The following SPPL3 variants were observed in gnomAD, a reference collection of about 807,000 sequenced individuals.
The protein encoded by SPPL3 is signal peptide peptidase like 3, also known as signal peptide peptidase-like 3.
Under a neutral mutation model 42.4 loss-of-function variants are expected in SPPL3, and 5 were observed. The ratio of observed to expected loss-of-function variants is 0.12; its 90% confidence interval spans 0.06 to 0.25. The LOEUF is 0.25. SPPL3 is among the 10% of genes least tolerant of loss of function. SPPL3 has a pLI of 1.00. For missense variants in SPPL3, 235 were observed against 489.0 expected (o/e 0.48, Z 4.90); for synonymous variants, 195 against 181.8 (o/e 1.07, Z -0.58).
At chr12:120,791,689 C>T (rs934688240) in intron 2 of SPPL3, 132 bp from the exon 3 acceptor site, 1 of 634,376 alleles carries the variant, frequency 1.6e-6, no homozygotes, top group Non-Finnish European at 2.7e-6. Flanking sequence ...TGAAAAATAG[C>T]TCTTGTAACA....
chr12:120,891,802 T>C (rs1873653459), intron 1 of SPPL3, among the ~76,000 whole-genome samples: 1 of 151,078 alleles, frequency 6.6e-6, no homozygotes. Flanking sequence ...ATATGCCACA[T>C]ATTTAATAAA....
intron 1 of SPPL3, among the ~76,000 whole-genome samples, chr12:120,876,679 C>CA (rs1164776154): frequency 6.9e-6 from 1 of 144,504 alleles, no homozygotes; most frequent in Non-Finnish European, 1.5e-5. Context: ...TCAAGCAGAC[C>CA]AAAATGTACA....
chr12:120,822,261 A>G (rs981006041), intron 1 of SPPL3, among the ~76,000 whole-genome samples: 2 of 152,240 alleles, frequency 1.3e-5, no homozygotes, highest in African/African-American at 4.8e-5. Context: ...TTCAAATTGT[A>G]TGTTATGTAT....
chr12:120,765,158 C>T, intron 10 of SPPL3, 88 bp from the exon 11 acceptor site: 4 of 1,310,784 alleles, frequency 3.1e-6, no homozygotes, highest in Non-Finnish European at 4.2e-6. Context: ...AATTTTTTTT[C>T]CAGGTATGAA....
At chr12:120,797,089 C>A (rs775898832) in intron 2 of SPPL3, among the ~76,000 whole-genome samples, 3 of 152,130 alleles carry the variant, frequency 2.0e-5, no homozygotes, top group Admixed American at 1.3e-4. Flanking sequence ...ATTTCTTGAA[C>A]CCGGGAGGTG....
intron 1 of SPPL3, among the ~76,000 whole-genome samples, chr12:120,861,474 G>T (rs1406340028): frequency 6.6e-6 from 1 of 152,138 alleles, no homozygotes; most frequent in East Asian, 1.9e-4. Context: ...TATCAGTGTG[G>T]TCTATATTTC....
At chr12:120,844,696 GT>G (rs1033298138) in intron 1 of SPPL3, among the ~76,000 whole-genome samples, 12 of 145,972 alleles carry the variant, frequency 8.2e-5, no homozygotes, top group African/African-American at 2.0e-4. Context: ...GCTGGCTTTT[GT>G]TTTTTTTTTA....
intron 1 of SPPL3, among the ~76,000 whole-genome samples, chr12:120,870,786 T>TA (rs1490601432): frequency 6.6e-6 from 1 of 152,066 alleles, no homozygotes; most frequent in Non-Finnish European, 1.5e-5. Flanking sequence ...AGCAGTCAAA[T>TA]TCATAGACAG....
intron 1 of SPPL3, among the ~76,000 whole-genome samples, chr12:120,902,302 ATCCC>A (rs1281133791): frequency 6.6e-6 from 1 of 152,206 alleles, no homozygotes. Flanking sequence ...ATCATCTTCA[ATCCC>A]CAACTCCCTT....
intron 1 of SPPL3, among the ~76,000 whole-genome samples, chr12:120,813,068 G>A (rs1362552312): frequency 1.3e-5 from 2 of 152,114 alleles, no homozygotes; most frequent in Non-Finnish European, 2.9e-5. Context: ...TTTGAAAAGT[G>A]CAGGGAAAAG....
chr12:120,782,512 C>T (rs886443270), intron 6 of SPPL3, 143 bp downstream of exon 6: 11 of 572,440 alleles, frequency 1.9e-5, no homozygotes, highest in Admixed American at 9.0e-5. Flanking sequence ...GGGGAATGAC[C>T]GCTCATTTGT....
At chr12:120,808,541 T>C (rs1870579457) in intron 2 of SPPL3, among the ~76,000 whole-genome samples, 1 of 152,250 alleles carries the variant, frequency 6.6e-6, no homozygotes, top group Non-Finnish European at 1.5e-5. Flanking sequence ...AGCCATTTCA[T>C]ACTCTCTGTC....
chr12:120,802,242 T>C (rs1870323148), intron 2 of SPPL3, among the ~76,000 whole-genome samples: 1 of 151,794 alleles, frequency 6.6e-6, no homozygotes, highest in South Asian at 2.1e-4. Context: ...TCCTTCATTC[T>C]GATAAAAATA....
chr12:120,902,721 C>A (rs1874020342), intron 1 of SPPL3, among the ~76,000 whole-genome samples: 1 of 152,154 alleles, frequency 6.6e-6, no homozygotes, highest in Non-Finnish European at 1.5e-5. Context: ...AGTTCTGTCC[C>A]AAACCACATT....
At chr12:120,819,513 TTAAG>T (rs1870984309) in intron 1 of SPPL3, among the ~76,000 whole-genome samples, 1 of 152,206 alleles carries the variant, frequency 6.6e-6, no homozygotes, top group South Asian at 2.1e-4. Flanking sequence ...TTTTTTCCCT[TTAAG>T]TGACAGGCTC....
At chr12:120,865,501 G>T (rs1872731162) in intron 1 of SPPL3, among the ~76,000 whole-genome samples, 1 of 152,158 alleles carries the variant, frequency 6.6e-6, no homozygotes, top group South Asian at 2.1e-4. Context: ...AAAGCTGTGA[G>T]GATTCAACAA....
intron 6 of SPPL3, chr12:120,769,281 A>G (rs1364674544): frequency 4.6e-6 from 2 of 438,436 alleles, no homozygotes; most frequent in East Asian, 8.3e-5. Flanking sequence ...CCTCCTAGAC[A>G]TAGTGCTCGG....
At chr12:120,817,906 T>A (rs1431182252) in intron 1 of SPPL3, among the ~76,000 whole-genome samples, 2 of 152,064 alleles carry the variant, frequency 1.3e-5, no homozygotes, top group Non-Finnish European at 2.9e-5. Flanking sequence ...AGACACAGAT[T>A]TTACTACAGG....
chr12:120,902,590 T>C (rs1019115777), intron 1 of SPPL3, among the ~76,000 whole-genome samples: 1 of 152,200 alleles, frequency 6.6e-6, no homozygotes, highest in African/African-American at 2.4e-5. Context: ...AAGAACTCAC[T>C]ACCATGTCGT....
Sources: gnomAD v4.1 joint callset for allele counts (sites outside exome capture counted in the v4.1 genomes callset) on GRCh38, gnomAD v4.1.1 for gene constraint, MANE v1.5 for transcripts, NCBI Gene and HGNC (gene_info 2026-07-23, HGNC 2026-07-21) for gene names.